The following SH2D4B variants were observed in gnomAD, a reference collection of about 807,000 sequenced individuals.
The protein encoded by SH2D4B is SH2 domain-containing protein 4B.
A neutral mutation model predicts 61.5 loss-of-function variants in SH2D4B; 45 were observed. The observed-to-expected ratio is 0.73, with a 90% CI of 0.58 to 0.94. SH2D4B has a LOEUF of 0.94. Ranked by LOEUF, SH2D4B falls within the 40% of genes least tolerant of loss-of-function variation. The pLI, the probability that SH2D4B is intolerant of heterozygous loss-of-function variation, is 0.00. For missense variants in SH2D4B, 572 were observed against 574.2 expected (o/e 1.00, Z 0.04); for synonymous variants, 224 against 220.4 (o/e 1.02, Z -0.14).
chr10:80,541,561 G>A (rs1044450309), intron 1 of SH2D4B, among the ~76,000 whole-genome samples: 2 of 152,218 alleles, frequency 1.3e-5, no homozygotes, highest in East Asian at 1.9e-4. Flanking sequence ...CCGGGCCATC[G>A]TCCCCAGTGC....
At chr10:80,618,487 TA>T (rs1011841239) in intron 6 of SH2D4B, among the ~76,000 whole-genome samples, 1 of 151,992 alleles carries the variant, frequency 6.6e-6, no homozygotes, top group Non-Finnish European at 1.5e-5. Context: ...TTTGGCGTTA[TA>T]AAAAAAAGAA....
chr10:80,623,287 G>A (rs944543960), intron 6 of SH2D4B, among the ~76,000 whole-genome samples: 5 of 152,210 alleles, frequency 3.3e-5, no homozygotes, highest in African/African-American at 1.2e-4. Flanking sequence ...CGAAGATCAA[G>A]GCATAGGCAG....
rs1472049051 is a variant in SH2D4B, at chr10:80,645,650, C to G, written c.*1565C>G. On this transcript the variant is annotated 3_prime_UTR_variant, in exon 8 of 8. Coordinates refer to ENST00000646907, the MANE Select transcript of SH2D4B (RefSeq NM_001388272.1). ...GCCGGATCAGTATGACACCCTGCTG[C>G]CCCCGTTTTTAATTCTTCTCTGCCT... is the stretch of plus-strand genomic sequence containing the variant. 1 of 152,236 alleles carries G rather than the reference C, an allele frequency of 6.6e-6. No homozygotes were observed. Among genetic ancestry groups the G allele is most frequent in the African/African-American group, 2.4e-5 (1 of 41,416 alleles). 9.4% of individuals were successfully genotyped at this position (152,236 alleles called of 1,614,324 possible). A position where few individuals can be genotyped will look rare whatever the true frequency, so the allele number is the denominator to read the frequency against.
intron 1 of SH2D4B, among the ~76,000 whole-genome samples, chr10:80,566,645 C>G (rs1564769908): frequency 6.6e-6 from 1 of 152,072 alleles, no homozygotes; most frequent in Non-Finnish European, 1.5e-5. Flanking sequence ...CTCACCTTTC[C>G]TAAAAGAGGG....
At chr10:80,577,185 G>A (rs1210661403) in intron 3 of SH2D4B, among the ~76,000 whole-genome samples, 2 of 152,188 alleles carry the variant, frequency 1.3e-5, no homozygotes, top group East Asian at 3.8e-4. Flanking sequence ...ACTACACACT[G>A]TAAGGAAACC....
intron 3 of SH2D4B, among the ~76,000 whole-genome samples, chr10:80,587,422 C>T (rs1842272926): frequency 6.6e-6 from 1 of 152,000 alleles, no homozygotes; most frequent in Admixed American, 6.6e-5. Flanking sequence ...TGGGATTACA[C>T]ACATGCGCCA....
In SH2D4B at chr10:80,545,540, C is replaced by T. The variant is rs535897825; in HGVS notation, c.184+7025C>T. Among the ~76,000 whole-genome samples, 13 of 151,866 alleles carry T rather than the reference C, an allele frequency of 8.6e-5. No homozygotes were observed. In the South Asian group the frequency reaches 1.9e-3, roughly 22 times the overall value. On this transcript the variant is annotated intron_variant, in intron 1 of 7. Coordinates refer to ENST00000646907, the MANE Select transcript of SH2D4B (RefSeq NM_001388272.1). The stretch of plus-strand genomic sequence containing the variant: ...TCCTTTCTTTTCTCCTCCTCTTCTC[C>T]GCTTTCTTCTACTCCCTCTCCTCTT...
At chr10:80,631,513 T>A (rs1365819181) in intron 6 of SH2D4B, among the ~76,000 whole-genome samples, 1 of 152,232 alleles carries the variant, frequency 6.6e-6, no homozygotes, top group Admixed American at 6.5e-5. Context: ...CCTACTAAAG[T>A]GCTGGTATTA....
At chr10:80,542,357 C>T (rs1451636858) in intron 1 of SH2D4B, among the ~76,000 whole-genome samples, 1 of 151,660 alleles carries the variant, frequency 6.6e-6, no homozygotes, top group African/African-American at 2.4e-5. Context: ...GTCCACACTA[C>T]TGACCCAGGA....
chr10:80,646,080 C>T lies in SH2D4B; in HGVS notation c.*1995C>T, dbSNP rs537259670. Reference sequence around the variant, plus strand: ...CTGAAAAGGGAGTTTTCTGTATGGCCGTCACTAGGTTTTTTTGTGGGTTAG... The same window carrying T: ...CTGAAAAGGGAGTTTTCTGTATGGCTGTCACTAGGTTTTTTTGTGGGTTAG... On this transcript the variant is annotated 3_prime_UTR_variant, in exon 8 of 8. Coordinates refer to ENST00000646907, the MANE Select transcript of SH2D4B (RefSeq NM_001388272.1). The T allele has an allele frequency of 1.3e-5, 2 of 152,628 alleles. No individual in the cohort carries two copies. Among genetic ancestry groups the T allele is most frequent in the East Asian group, 1.9e-4 (1 of 5,176 alleles). The allele number at this position is 152,628 out of a possible 1,614,324, so 9.5% of individuals were successfully genotyped here.
At chr10:80,553,883 C>T (rs866678476) in intron 1 of SH2D4B, among the ~76,000 whole-genome samples, 1 of 152,166 alleles carries the variant, frequency 6.6e-6, no homozygotes, top group Non-Finnish European at 1.5e-5. Context: ...TTTGGCTACC[C>T]ACTTTCTAAC....
chr10:80,561,005 C>G (rs536353033), intron 1 of SH2D4B, among the ~76,000 whole-genome samples: 2 of 152,100 alleles, frequency 1.3e-5, no homozygotes, highest in African/African-American at 4.8e-5. Context: ...CAGTAAACTT[C>G]GTACTGTGTG....
At position 80,643,693 on chromosome 10, in the gene SH2D4B, G is replaced by C. The variant is rs141240150; in HGVS notation, c.1210-300G>C. ...GAGTCCCTCAACTCTTCCTCGGCTTGCTGTAACTGGTGTCCCACATTGACT... is the reference window on the plus strand; with the variant it reads ...GAGTCCCTCAACTCTTCCTCGGCTTCCTGTAACTGGTGTCCCACATTGACT... On this transcript the variant is annotated intron_variant, in intron 7 of 7. Coordinates refer to ENST00000646907, the MANE Select transcript of SH2D4B (RefSeq NM_001388272.1). Among the ~76,000 whole-genome samples, 65 of 152,102 alleles carry C rather than the reference G, an allele frequency of 4.3e-4. No homozygotes were observed. The East Asian group carries it at 0.011, about 25-fold the overall frequency.
chr10:80,556,509 G>C (rs1841839646), intron 1 of SH2D4B, among the ~76,000 whole-genome samples: 1 of 152,152 alleles, frequency 6.6e-6, no homozygotes, highest in African/African-American at 2.4e-5. Context: ...ATCAACCTGG[G>C]ATGAATTGGC....
At chr10:80,554,173 A>G (rs1192974142) in intron 1 of SH2D4B, among the ~76,000 whole-genome samples, 1 of 152,230 alleles carries the variant, frequency 6.6e-6, no homozygotes, top group Admixed American at 6.5e-5. Flanking sequence ...AACAAAAGGC[A>G]TCTGTGTTAA....
In SH2D4B at chr10:80,538,343, G is replaced by T. The variant is rs573739698; in HGVS notation, c.12G>T (p.Gln4His). 6 of 1,353,548 alleles carry T rather than the reference G, an allele frequency of 4.4e-6. No individual in the cohort carries two copies. The highest frequency in any genetic ancestry group is 4.8e-6 in the Non-Finnish European group (5 of 1,045,210). The allele number at this position is 1,353,548 out of a possible 1,614,324, so 83.8% of individuals were successfully genotyped here. ...TCCCAGGTGGCATCATGCTGCAGCA[G>T]ATCCTGCACGACATGTACATCGACC... is the stretch of plus-strand genomic sequence containing the variant. MLQQILHDMYIDPE... is the reference protein window; with the variant it reads MLQHILHDMYIDPE... Residue 4 changes from glutamine (Q) to histidine (H), a missense_variant, in exon 1 of 8, where the codon CAG becomes CAT. Physicochemically the swap from Gln to His is conservative, Grantham distance 24 (BLOSUM62 0). Transcript: ENST00000646907. The surrounding 1 kb of genome is among the most constrained non-coding windows in gnomAD (Gnocchi z 4.8).
At chr10:80,559,451 G>C (rs1284892543) in intron 1 of SH2D4B, among the ~76,000 whole-genome samples, 1 of 152,018 alleles carries the variant, frequency 6.6e-6, no homozygotes, top group Non-Finnish European at 1.5e-5. Flanking sequence ...CTACTTTGGT[G>C]CCTTTCTACA....
intron 6 of SH2D4B, 60 bp from the exon 7 acceptor site, chr10:80,634,225 C>G: frequency 6.8e-7 from 1 of 1,471,214 alleles, no homozygotes; most frequent in Non-Finnish European, 9.0e-7. Flanking sequence ...AGTGGAGAAT[C>G]GTGGGGGAGG....
intron 1 of SH2D4B, among the ~76,000 whole-genome samples, chr10:80,548,247 C>A (rs1212730215): frequency 6.6e-6 from 1 of 152,212 alleles, no homozygotes; most frequent in East Asian, 1.9e-4. Flanking sequence ...TCACTGCAAC[C>A]TCCGCCTCCT....
Sources: gnomAD v4.1 joint callset for allele counts (sites outside exome capture counted in the v4.1 genomes callset) on GRCh38, gnomAD v4.1.1 for gene constraint, Gnocchi (gnomAD v3.1) non-coding constraint, MANE v1.5 for transcripts, NCBI Gene and HGNC (gene_info 2026-07-23, HGNC 2026-07-21) for gene names.